The following DPH6 variants were observed in gnomAD, a reference collection of about 807,000 sequenced individuals.
DPH6 encodes diphthine--ammonia ligase.
Under a neutral mutation model 38.2 loss-of-function variants are expected in DPH6, and 33 were observed. The observed-to-expected ratio is 0.86, with a 90% CI of 0.65 to 1.15. The LOEUF is 1.15. Among genes scored for constraint, DPH6 ranks in the 50% most tolerant of loss-of-function variants. The pLI is 0.00. For missense variants in DPH6, 325 were observed against 320.0 expected (o/e 1.02, Z -0.12); for synonymous variants, 108 against 103.0 (o/e 1.05, Z -0.30).
chr15:35,337,879 A>T (rs1362759051), intron 3 of DPH6, among the ~76,000 whole-genome samples: 3 of 151,994 alleles, frequency 2.0e-5, no homozygotes, highest in Non-Finnish European at 2.9e-5. Flanking sequence ...ATAATGCCAC[A>T]TATCTACAAC....
At chr15:35,212,620 A>G (rs1396388239), downstream of DPH6, among the ~76,000 whole-genome samples, 1 of 152,240 alleles carries the variant, frequency 6.6e-6, no homozygotes. Context: ...CTTTTCATTA[A>G]AGAGCAAAGC....
At chr15:35,523,539 A>G (rs2054955450) in intron 3 of DPH6, among the ~76,000 whole-genome samples, 1 of 152,010 alleles carries the variant, frequency 6.6e-6, no homozygotes, top group South Asian at 2.1e-4. Flanking sequence ...GAAAAATTAA[A>G]AACTGAACTG....
chr15:35,257,547 C>A (rs914017643), intron 3 of DPH6, among the ~76,000 whole-genome samples: 3 of 152,096 alleles, frequency 2.0e-5, no homozygotes, highest in African/African-American at 7.2e-5. Context: ...AGTATAACAA[C>A]CTCTTAAGTA....
At chr15:35,389,090 C>T (rs1595522249) in intron 6 of DPH6, among the ~76,000 whole-genome samples, 1 of 152,258 alleles carries the variant, frequency 6.6e-6, no homozygotes, top group South Asian at 2.1e-4. Context: ...GCCTTCATTT[C>T]GTTATGTACC....
chr15:35,394,749 T>C (rs1161870152), intron 6 of DPH6, among the ~76,000 whole-genome samples: 1 of 152,202 alleles, frequency 6.6e-6, no homozygotes, highest in Non-Finnish European at 1.5e-5. Flanking sequence ...AACCTCATAG[T>C]ATAACTGCTT....
the DPH6 span, among the ~76,000 whole-genome samples, chr15:35,151,258 T>G: frequency 6.6e-6 from 1 of 151,642 alleles, no homozygotes; most frequent in Non-Finnish European, 1.5e-5. Context: ...TCTACAGTAT[T>G]GTTTTTAAAA....
downstream of DPH6, among the ~76,000 whole-genome samples, chr15:35,369,858 T>C (rs1270798487): frequency 6.6e-6 from 1 of 151,736 alleles, no homozygotes; most frequent in African/African-American, 2.4e-5. Context: ...TTTTTGTGGA[T>C]ACGGAAAAAC....
At chr15:35,516,936 AT>A (rs2054855793) in intron 3 of DPH6, among the ~76,000 whole-genome samples, 1 of 151,950 alleles carries the variant, frequency 6.6e-6, no homozygotes. Context: ...GTTCCAAAAG[AT>A]TTTTTTTAAT....
chr15:35,475,588 A>G (rs1488385821), intron 3 of DPH6, among the ~76,000 whole-genome samples: 1 of 151,930 alleles, frequency 6.6e-6, no homozygotes, highest in Admixed American at 6.6e-5. Flanking sequence ...TTAATATTTT[A>G]TGGTCAATTA....
intron 6 of DPH6, among the ~76,000 whole-genome samples, chr15:35,390,789 T>C (rs2053044246): frequency 1.3e-5 from 2 of 149,418 alleles, no homozygotes; most frequent in East Asian, 2.1e-4. Flanking sequence ...TGGTTCGAAC[T>C]TCCTCCTTTA....
intron 5 of DPH6, among the ~76,000 whole-genome samples, chr15:35,439,261 T>C (rs921728708): frequency 3.3e-5 from 5 of 152,256 alleles, no homozygotes; most frequent in African/African-American, 1.2e-4. Context: ...TTTTAAACTT[T>C]TCTTTAAAAC....
intron 3 of DPH6, among the ~76,000 whole-genome samples, chr15:35,344,090 TTAAGA>T (rs1217239168): frequency 3.3e-5 from 5 of 151,958 alleles, no homozygotes; most frequent in African/African-American, 7.2e-5. Context: ...AAGTAGTCAA[TTAAGA>T]TAAGTTTGAA....
intron 3 of DPH6, among the ~76,000 whole-genome samples, chr15:35,335,144 T>C (rs1048451539): frequency 2.6e-5 from 4 of 152,226 alleles, no homozygotes; most frequent in Non-Finnish European, 5.9e-5. Context: ...TGCATTTCTC[T>C]AATGATCAAT....
intron 5 of DPH6, among the ~76,000 whole-genome samples, chr15:35,436,514 C>CAAAAAAAAAAAAAAAAAAA (rs1277172991): frequency 8.1e-6 from 1 of 123,200 alleles, no homozygotes; most frequent in African/African-American, 3.3e-5. Flanking sequence ...CAAAACAAAA[C>CAAAAAAAAAAAAAAAAAAA]AAAAAAGGTT....
intron 5 of DPH6, among the ~76,000 whole-genome samples, chr15:35,425,484 C>CA (rs2053557504): frequency 6.6e-6 from 1 of 151,248 alleles, no homozygotes; most frequent in South Asian, 2.1e-4. Context: ...GTAAATATTA[C>CA]AATTAACATA....
At chr15:35,445,561 G>A (rs1163341199) in intron 5 of DPH6, among the ~76,000 whole-genome samples, 3 of 151,540 alleles carry the variant, frequency 2.0e-5, no homozygotes, top group Non-Finnish European at 4.4e-5. Context: ...ATGTAGCCTA[G>A]AAATACTGAA....
intron 3 of DPH6, among the ~76,000 whole-genome samples, chr15:35,496,567 A>AAAAAAAAAAAAAAAAAAAAATAT: frequency 3.5e-4 from 11 of 31,014 alleles, no homozygotes; most frequent in African/African-American, 1.5e-3. Flanking sequence ...AAAAAAAAAA[A>AAAAAAAAAAAAAAAAAAAAATAT]ATATATATAT....
At chr15:35,257,539 T>C (rs2051716439) in intron 3 of DPH6, among the ~76,000 whole-genome samples, 1 of 152,192 alleles carries the variant, frequency 6.6e-6, no homozygotes, top group Non-Finnish European at 1.5e-5. Context: ...ACTTGGAAAG[T>C]ATAACAACCT....
intron 3 of DPH6, among the ~76,000 whole-genome samples, chr15:35,315,489 A>G (rs369733699): frequency 6.6e-6 from 1 of 152,232 alleles, no homozygotes; most frequent in Non-Finnish European, 1.5e-5. Flanking sequence ...CAACAGTGAC[A>G]TATTATCTCT....
Sources: allele counts gnomAD v4.1 joint callset (sites outside exome capture counted in the v4.1 genomes callset), GRCh38; gene constraint gnomAD v4.1.1; transcripts MANE v1.5; gene names NCBI Gene and HGNC (gene_info 2026-07-23, HGNC 2026-07-21).